The following THAP11 variants were observed in gnomAD, a reference collection of about 807,000 sequenced individuals.
THAP11 encodes the protein THAP domain containing 11.
In THAP11, 8 loss-of-function variants were observed where a neutral mutation model predicts 24.1. The ratio of observed to expected loss-of-function variants is 0.33; its 90% CI spans 0.20 to 0.60. The LOEUF (loss-of-function observed/expected upper bound fraction) is 0.60, where lower values mean the gene tolerates loss of function less well. Among genes scored for constraint, THAP11 ranks in the 20% least tolerant of loss-of-function variants. The pLI, the probability that THAP11 is intolerant of heterozygous loss-of-function variation, is 0.82. For missense variants in THAP11, 276 were observed against 418.4 expected (o/e 0.66, Z 2.97); for synonymous variants, 222 against 180.2 (o/e 1.23, Z -1.86).
Position 67,843,182 on chromosome 16 carries a change from G to A in THAP11, c.628G>A (p.Glu210Lys). 1.2e-6 allele frequency: 2 copies of A among 1,611,296 alleles called. No individual in the cohort carries two copies. Among genetic ancestry groups the A allele is most frequent in the Non-Finnish European group, 1.7e-6 (2 of 1,179,686 alleles). Residue 210 changes from glutamate to lysine, a missense_variant, in exon 1 of 1, where the codon GAG becomes AAG. Transcript: ENST00000303596. The surrounding 1 kb of genome is among the most constrained non-coding windows in gnomAD (Gnocchi z 5.7). ...CGCAGCCGCTGCGGCCGCCGCGTCGGAGTTACAGGCTGCTACCGCAGGGCT... is the reference window on the plus strand; with the variant it reads ...CGCAGCCGCTGCGGCCGCCGCGTCGAAGTTACAGGCTGCTACCGCAGGGCT... ...EGAAAAAAAS[E>K]LQAATAGLEA...
chr16:67,842,968 CACTGCCCAG>C lies in THAP11; in HGVS notation c.424_432del (p.Thr142_Gln144del), dbSNP rs368666568. 3.1e-5 allele frequency: 50 copies of C among 1,608,022 alleles called. No individual in the cohort carries two copies. In the Middle Eastern group the frequency reaches 4.9e-4, roughly 16 times the overall value. On this transcript the variant is annotated inframe_deletion, in exon 1 of 1. Transcript: ENST00000303596. This position sits in a 1 kb window ranked among gnomAD's most constrained non-coding sequence, Gnocchi z 4.9. ...AGCAGCAGTCCTCACCCTCTGCCTCCACTGCCCAGACTGCCCAGCTGCAGCCGAACCTGG... is the reference window on the plus strand; with the variant it reads ...AGCAGCAGTCCTCACCCTCTGCCTCCACTGCCCAGCTGCAGCCGAACCTGG...
In THAP11 at chr16:67,843,609, T is replaced by C. The variant is rs1231778453; in HGVS notation, c.*110T>C. On this transcript the variant is annotated 3_prime_UTR_variant, in exon 1 of 1. Transcript: ENST00000303596. This position sits in a 1 kb window ranked among gnomAD's most constrained non-coding sequence, Gnocchi z 5.7. Reference sequence around the variant, plus strand: ...GGGCACTGGTTGACAGTACTGAGGCTTAAGGCAGCTGGACTCTCTTGCTGG... The same window carrying C: ...GGGCACTGGTTGACAGTACTGAGGCCTAAGGCAGCTGGACTCTCTTGCTGG... 1.8e-6 allele frequency: 2 copies of C among 1,128,422 alleles called. No individual in the cohort carries two copies. The highest frequency in any genetic ancestry group is 1.6e-5 in the South Asian group (1 of 62,032). The allele number at this position is 1,128,422 out of a possible 1,614,324, so 69.9% of individuals were successfully genotyped here. A position where few individuals can be genotyped will look rare whatever the true frequency, so the allele number is the denominator to read the frequency against.
In THAP11 at chr16:67,842,650, G is replaced by A; in HGVS notation, c.96G>A (p.Leu32=). 6.4e-7 allele frequency: 1 copy of A among 1,558,328 alleles called. No homozygotes were observed. Among genetic ancestry groups the A allele is most frequent in the South Asian group, 1.2e-5 (1 of 85,132 alleles). Residue 32 remains leucine, a synonymous_variant, in exon 1 of 1, where the codon TTG becomes TTA. Transcript: ENST00000303596. This position sits in a 1 kb window ranked among gnomAD's most constrained non-coding sequence, Gnocchi z 4.9. The part of the protein sequence containing the change: ...HFYTFPKDAE[L]RRLWLKNVSR... ...ACACGTTTCCAAAGGACGCTGAGTTGCGGCGCCTCTGGCTCAAGAACGTGT... is the reference window on the plus strand; with the variant it reads ...ACACGTTTCCAAAGGACGCTGAGTTACGGCGCCTCTGGCTCAAGAACGTGT...
Position 67,842,523 on chromosome 16 carries a change from C to T in THAP11, c.-32C>T, listed in dbSNP as rs3743734. On this transcript the variant is annotated 5_prime_UTR_variant, in exon 1 of 1. Transcript: ENST00000303596. The surrounding 1 kb of genome is among the most constrained non-coding windows in gnomAD (Gnocchi z 4.9). Reference sequence around the variant, plus strand: ...TGGGCCGTCGAAGAGCGCAGGAGGCCGGTGGGCCGGGCCGGGCCGCGCGGC... The same window carrying T: ...TGGGCCGTCGAAGAGCGCAGGAGGCTGGTGGGCCGGGCCGGGCCGCGCGGC... The T allele has an allele frequency of 4.1e-6, 6 of 1,473,504 alleles. No homozygotes were observed. Among genetic ancestry groups the T allele is most frequent in the Admixed American group, 4.6e-5 (2 of 43,020 alleles). The allele number at this position is 1,473,504 out of a possible 1,614,324, so 91.3% of individuals were successfully genotyped here.
At position 67,842,572 on chromosome 16, in the gene THAP11, C is replaced by T. The variant is rs772198898; in HGVS notation, c.18C>T (p.Cys6=). The change falls in exon 1 of 1, where the codon TGC becomes TGT. Residue 6 remains cysteine, a synonymous_variant. Transcript: ENST00000303596. The surrounding 1 kb of genome is among the most constrained non-coding windows in gnomAD (Gnocchi z 4.9). ...GCGCAGCCATGCCTGGCTTTACGTG[C>T]TGCGTGCCAGGCTGCTACAACAACT... MPGFT[C]CVPGCYNNSH... 1.6e-3 allele frequency: 2,458 copies of T among 1,537,622 alleles called. 4 individuals are homozygous for T. The highest frequency in any genetic ancestry group is 2.0e-3 in the Non-Finnish European group (2,226 of 1,138,564).
In THAP11 at chr16:67,842,609, A is replaced by C; in HGVS notation, c.55A>C (p.Lys19Gln). Residue 19 changes from lysine to glutamine, a missense_variant, in exon 1 of 1, where the codon AAG (lysine) becomes CAG (glutamine). This residue lies in a region of THAP11 where 28 missense variants were observed against 119.1 expected (regional missense o/e 0.24). Transcript: ENST00000303596. The surrounding 1 kb of genome is among the most constrained non-coding windows in gnomAD (Gnocchi z 4.9). Reference sequence around the variant, plus strand: ...CTGCTACAACAACTCGCACCGGGACAAGGCGCTGCACTTCTACACGTTTCC... The same window carrying C: ...CTGCTACAACAACTCGCACCGGGACCAGGCGCTGCACTTCTACACGTTTCC... ...PGCYNNSHRDKALHFYTFPKD... is the reference protein window; with the variant it reads ...PGCYNNSHRDQALHFYTFPKD... The C allele has an allele frequency of 6.4e-7, 1 of 1,550,598 alleles. No homozygotes were observed. The highest frequency in any genetic ancestry group is 8.7e-7 in the Non-Finnish European group (1 of 1,146,656).
rs758250912 is a variant in THAP11, at chr16:67,843,127, A to G, written c.573A>G (p.Thr191=). The G allele has an allele frequency of 6.2e-7, 1 of 1,610,252 alleles. No homozygotes were observed. Among genetic ancestry groups the G allele is most frequent in the Non-Finnish European group, 8.5e-7 (1 of 1,179,728 alleles). Reference sequence around the variant, plus strand: ...AAGACGTGAAGCCCATCGATCTCACAGTGCAAGTGGAGTTTGCAGCCGCAG... The same window carrying G: ...AAGACGTGAAGCCCATCGATCTCACGGTGCAAGTGGAGTTTGCAGCCGCAG... ...TGEDVKPIDL[T]VQVEFAAAEG... The change falls in exon 1 of 1, where the codon ACA becomes ACG. Residue 191 remains threonine (T), a synonymous_variant. Coordinates refer to ENST00000303596, the MANE Select transcript of THAP11 (RefSeq NM_020457.3). This position sits in a 1 kb window ranked among gnomAD's most constrained non-coding sequence, Gnocchi z 5.7.
In THAP11 at chr16:67,842,336, C is replaced by A; in HGVS notation, c.-219C>A. ...GGCGTCCCCGGGGCCCACTCCCGAG[C>A]GCAGGCGGGCAGCCAGGCGGGCGGC... On this transcript the variant is annotated 5_prime_UTR_variant, in exon 1 of 1. Coordinates refer to ENST00000303596, the MANE Select transcript of THAP11 (RefSeq NM_020457.3). The surrounding 1 kb of genome is among the most constrained non-coding windows in gnomAD (Gnocchi z 4.9). The A allele has an allele frequency of 5.3e-6, 1 of 188,108 alleles. No individual in the cohort carries two copies. The highest frequency in any genetic ancestry group is 1.1e-5 in the Non-Finnish European group (1 of 94,124). 11.7% of individuals were successfully genotyped at this position (188,108 alleles called of 1,614,324 possible). A position where few individuals can be genotyped will look rare whatever the true frequency, so the allele number is the denominator to read the frequency against.
Position 67,842,563 on chromosome 16 carries a change from C to G in THAP11, c.9C>G (p.Gly3=), listed in dbSNP as rs79492531. MP[G]FTCCVPGCYN... The stretch of plus-strand genomic sequence containing the variant: ...GGCCGCGCGGCGCAGCCATGCCTGG[C>G]TTTACGTGCTGCGTGCCAGGCTGCT... Residue 3 remains glycine (G), a synonymous_variant, in exon 1 of 1, where the codon GGC becomes GGG. Transcript: ENST00000303596. The surrounding 1 kb of genome is among the most constrained non-coding windows in gnomAD (Gnocchi z 4.9). The G allele has an allele frequency of 1.3e-3, 1,983 of 1,531,904 alleles. 25 individuals are homozygous for G. The African/African-American group carries it at 0.025, about 19-fold the overall frequency. 94.9% of individuals were successfully genotyped at this position (1,531,904 alleles called of 1,614,324 possible). A position where few individuals can be genotyped will look rare whatever the true frequency, so the allele number is the denominator to read the frequency against.
Position 67,843,267 on chromosome 16 carries a change from C to G in THAP11, c.713C>G (p.Pro238Arg). ...QLVVVGEEGFPDTGSDHSYSL... is the reference protein window; with the variant it reads ...QLVVVGEEGFRDTGSDHSYSL... Reference sequence around the variant, plus strand: ...GTGGTGGTAGGGGAAGAGGGCTTCCCTGATACTGGCTCCGACCATTCGTAC... The same window carrying G: ...GTGGTGGTAGGGGAAGAGGGCTTCCGTGATACTGGCTCCGACCATTCGTAC... Residue 238 changes from proline to arginine, a missense_variant, in exon 1 of 1, where the codon CCT becomes CGT. Physicochemically the swap from Pro to Arg is moderately radical, Grantham distance 103. Transcript: ENST00000303596. This position sits in a 1 kb window ranked among gnomAD's most constrained non-coding sequence, Gnocchi z 5.7. 6.2e-7 allele frequency: 1 copy of G among 1,613,362 alleles called. No individual in the cohort carries two copies. Among genetic ancestry groups the G allele is most frequent in the Non-Finnish European group, 8.5e-7 (1 of 1,179,794 alleles).
rs752230675 is a variant in THAP11, at chr16:67,842,908, G to GCAA, written c.356_357insACA (p.Gln132dup). ...AGCAGCAGCAACAGCAGCAACAGCA[G>GCAA]CAGCAGCAGCAACAGCAGCAGCAGC... is the stretch of plus-strand genomic sequence containing the variant. On this transcript the variant is annotated inframe_insertion, in exon 1 of 1. Coordinates refer to ENST00000303596, the MANE Select transcript of THAP11 (RefSeq NM_020457.3). This position sits in a 1 kb window ranked among gnomAD's most constrained non-coding sequence, Gnocchi z 4.9. The GCAA allele has an allele frequency of 5.7e-5, 90 of 1,572,508 alleles. No homozygotes were observed. Among genetic ancestry groups the GCAA allele is most frequent in the South Asian group, 4.6e-4 (40 of 87,660 alleles).
rs760250452 is a variant in THAP11 at position 67,843,402 on chromosome 16, G to A, written c.848G>A (p.Arg283His). Residue 283 changes from arginine (R) to histidine (H), a missense_variant, in exon 1 of 1, where the codon CGC becomes CAC. Transcript: ENST00000303596. This position sits in a 1 kb window ranked among gnomAD's most constrained non-coding sequence, Gnocchi z 5.7. ...VKMKEMKGSIRHLRLTEAKLR... is the reference protein window; with the variant it reads ...VKMKEMKGSIHHLRLTEAKLR... ...ATGAAAGAGATGAAAGGCAGCATTC[G>A]CCACCTGCGTCTCACTGAGGCCAAG... 17 of 1,613,880 alleles carry A rather than the reference G, an allele frequency of 1.1e-5. No homozygotes were observed. The highest frequency in any genetic ancestry group is 1.4e-5 in the Non-Finnish European group (16 of 1,180,032).
Position 67,843,403 on chromosome 16 carries a change from C to T in THAP11, c.849C>T (p.Arg283=). ...TGAAAGAGATGAAAGGCAGCATTCG[C>T]CACCTGCGTCTCACTGAGGCCAAGC... ...VKMKEMKGSI[R]HLRLTEAKLR... Residue 283 remains arginine (R), a synonymous_variant, in exon 1 of 1, where the codon CGC becomes CGT. Transcript: ENST00000303596. This position sits in a 1 kb window ranked among gnomAD's most constrained non-coding sequence, Gnocchi z 5.7. 6.2e-7 allele frequency: 1 copy of T among 1,614,070 alleles called. No homozygotes were observed. Among genetic ancestry groups the T allele is most frequent in the Non-Finnish European group, 8.5e-7 (1 of 1,180,038 alleles).
In THAP11 at chr16:67,842,902, A is replaced by ACAGCAGCAGCAG; in HGVS notation, c.354_365dup (p.Gln129_Gln132dup). The ACAGCAGCAGCAG allele has an allele frequency of 9.5e-6, 15 of 1,583,138 alleles. No homozygotes were observed. The highest frequency in any genetic ancestry group is 1.0e-5 in the Non-Finnish European group (12 of 1,165,824). ...AGCAGCAGCAGCAGCAACAGCAGCA[A>ACAGCAGCAGCAG]CAGCAGCAGCAGCAGCAACAGCAGC... On this transcript the variant is annotated inframe_insertion, in exon 1 of 1. Coordinates refer to ENST00000303596, the MANE Select transcript of THAP11 (RefSeq NM_020457.3). The surrounding 1 kb of genome is among the most constrained non-coding windows in gnomAD (Gnocchi z 4.9).
Position 67,843,533 on chromosome 16 carries a change from C to G in THAP11, c.*34C>G. 3 of 1,578,306 alleles carry G rather than the reference C, an allele frequency of 1.9e-6. No individual in the cohort carries two copies. Among genetic ancestry groups the G allele is most frequent in the Non-Finnish European group, 2.6e-6 (3 of 1,161,500 alleles). On this transcript the variant is annotated 3_prime_UTR_variant, in exon 1 of 1. Transcript: ENST00000303596. The surrounding 1 kb of genome is among the most constrained non-coding windows in gnomAD (Gnocchi z 5.7). ...CCCGGCAGCCTGCTGGACTCCCAGA[C>G]CCCATCCAGCCAGGGGACCGCAGGC... is the stretch of plus-strand genomic sequence containing the variant.
chr16:67,842,948 C>CAGT lies in THAP11; in HGVS notation c.395_397dup (p.Gln132_Ser133insTer). 2.5e-6 allele frequency: 4 copies of CAGT among 1,606,070 alleles called. No homozygotes were observed. Among genetic ancestry groups the CAGT allele is most frequent in the East Asian group, 2.2e-5 (1 of 44,876 alleles). On this transcript the variant is annotated stop_gained and inframe_insertion, in exon 1 of 1. Transcript: ENST00000303596. LOFTEE classifies it high-confidence loss of function. This position sits in a 1 kb window ranked among gnomAD's most constrained non-coding sequence, Gnocchi z 4.9. The stretch of plus-strand genomic sequence containing the variant: ...GCAGCAGCAGCAGCAGCAGCAGCAG[C>CAGT]AGTCCTCACCCTCTGCCTCCACTGC...
At position 67,842,518 on chromosome 16, in the gene THAP11, G is replaced by GAGGCCGGT. The variant is rs1567373960; in HGVS notation, c.-36_-29dup. On this transcript the variant is annotated 5_prime_UTR_variant, in exon 1 of 1. Coordinates refer to ENST00000303596, the MANE Select transcript of THAP11 (RefSeq NM_020457.3). This position sits in a 1 kb window ranked among gnomAD's most constrained non-coding sequence, Gnocchi z 4.9. ...GCCACTGGGCCGTCGAAGAGCGCAG[G>GAGGCCGGT]AGGCCGGTGGGCCGGGCCGGGCCGC... is the stretch of plus-strand genomic sequence containing the variant. 1 of 1,466,640 alleles carries GAGGCCGGT rather than the reference G, an allele frequency of 6.8e-7. No individual in the cohort carries two copies. Among genetic ancestry groups the GAGGCCGGT allele is most frequent in the South Asian group, 1.4e-5 (1 of 72,956 alleles). 90.9% of individuals were successfully genotyped at this position (1,466,640 alleles called of 1,614,324 possible).
chr16:67,842,641 C>T lies in THAP11; in HGVS notation c.87C>T (p.Asp29=). The change falls in exon 1 of 1, where the codon GAC becomes GAT. Residue 29 remains aspartate, a synonymous_variant. Transcript: ENST00000303596. The surrounding 1 kb of genome is among the most constrained non-coding windows in gnomAD (Gnocchi z 4.9). ...TGCACTTCTACACGTTTCCAAAGGACGCTGAGTTGCGGCGCCTCTGGCTCA... is the reference window on the plus strand; with the variant it reads ...TGCACTTCTACACGTTTCCAAAGGATGCTGAGTTGCGGCGCCTCTGGCTCA... ...KALHFYTFPK[D]AELRRLWLKN... 1.3e-6 allele frequency: 2 copies of T among 1,554,946 alleles called. No individual in the cohort carries two copies. Among genetic ancestry groups the T allele is most frequent in the African/African-American group, 1.4e-5 (1 of 73,306 alleles).
At position 67,842,349 on chromosome 16, in the gene THAP11, C is replaced by T. The variant is rs1189448528; in HGVS notation, c.-206C>T. 2.4e-5 allele frequency: 5 copies of T among 205,062 alleles called. No individual in the cohort carries two copies. Among genetic ancestry groups the T allele is most frequent in the Admixed American group, 6.1e-5 (1 of 16,476 alleles). The allele number at this position is 205,062 out of a possible 1,614,324, so 12.7% of individuals were successfully genotyped here. A position where few individuals can be genotyped will look rare whatever the true frequency, so the allele number is the denominator to read the frequency against. ...CCCACTCCCGAGCGCAGGCGGGCAGCCAGGCGGGCGGCGCGGCGCGGGCCG... is the reference window on the plus strand; with the variant it reads ...CCCACTCCCGAGCGCAGGCGGGCAGTCAGGCGGGCGGCGCGGCGCGGGCCG... On this transcript the variant is annotated 5_prime_UTR_variant, in exon 1 of 1. Transcript: ENST00000303596. This position sits in a 1 kb window ranked among gnomAD's most constrained non-coding sequence, Gnocchi z 4.9.
Sources: allele counts gnomAD v4.1 joint callset, GRCh38; gene constraint gnomAD v4.1.1; regional missense constraint gnomAD v4.1.1; non-coding constraint Gnocchi (gnomAD v3.1); transcripts MANE v1.5; gene names NCBI Gene and HGNC (gene_info 2026-07-23, HGNC 2026-07-21).